The following SLC6A6 variants were observed in gnomAD, a reference collection of about 807,000 sequenced individuals.
The protein encoded by SLC6A6 is sodium- and chloride-dependent taurine transporter.
SLC6A6 carries 16 observed loss-of-function variants against 68.8 expected under a neutral mutation model. The observed-to-expected ratio is 0.23, with a 90% CI of 0.16 to 0.35. The LOEUF (loss-of-function observed/expected upper bound fraction) is 0.35, where lower values mean the gene tolerates loss of function less well. Among genes scored for constraint, SLC6A6 ranks in the 10% least tolerant of loss-of-function variants. The pLI, the probability that SLC6A6 is intolerant of heterozygous loss-of-function variation, is 1.00. For synonymous variants in SLC6A6, 312 were observed against 315.4 expected (o/e 0.99, Z 0.12); for missense variants, 474 against 802.8 (o/e 0.59, Z 4.95).
At chr3:14,410,489 G>A (rs959730743) in intron 1 of SLC6A6, among the ~76,000 whole-genome samples, 2 of 152,228 alleles carry the variant, frequency 1.3e-5, no homozygotes, top group African/African-American at 4.8e-5. Context: ...TCAAGAAGGA[G>A]CGTGGTGAGC....
intron 12 of SLC6A6, chr3:14,478,862 A>G (rs1007100389): frequency 3.4e-6 from 2 of 594,558 alleles, no homozygotes; most frequent in Admixed American, 3.0e-5. Context: ...TGTGCCTAAG[A>G]TTGCACACCT....
At chr3:14,436,549 T>TGGTGC (rs1699857330) in intron 2 of SLC6A6, among the ~76,000 whole-genome samples, 37 of 21,486 alleles carry the variant, frequency 1.7e-3, no homozygotes, top group Non-Finnish European at 2.4e-3. Context: ...TTTTTTTTTT[T>TGGTGC]TTTTTTTTTT....
intron 6 of SLC6A6, among the ~76,000 whole-genome samples, chr3:14,462,158 C>A (rs567907618): frequency 6.6e-6 from 1 of 152,346 alleles, no homozygotes; most frequent in Admixed American, 6.5e-5. Flanking sequence ...CCTTGGGGAT[C>A]CCGGGGGAGC....
chr3:14,454,340 T>A (rs757001844), intron 5 of SLC6A6, among the ~76,000 whole-genome samples: 13 of 152,048 alleles, frequency 8.5e-5, no homozygotes, highest in East Asian at 3.9e-4. Context: ...CCTCCTGGGG[T>A]ACTTAGGAGG....
intron 3 of SLC6A6, chr3:14,444,662 C>A: frequency 2.2e-6 from 1 of 450,118 alleles, no homozygotes; most frequent in Non-Finnish European, 4.5e-6. Flanking sequence ...GATGGGCATG[C>A]CTTGTGCTGC....
At chr3:14,405,519 G>A (rs1338031260) in intron 1 of SLC6A6, among the ~76,000 whole-genome samples, 1 of 152,264 alleles carries the variant, frequency 6.6e-6, no homozygotes, top group East Asian at 1.9e-4. Flanking sequence ...TGCAGCCAGA[G>A]GGGGTCTGCC....
chr3:14,411,147 CT>C (rs1191055190), intron 1 of SLC6A6: 1 of 152,426 alleles, frequency 6.6e-6, no homozygotes, highest in Non-Finnish European at 1.5e-5. Context: ...GCTCAAAAGC[CT>C]TCAGTGGTGG....
At chr3:14,410,176 C>CAAAAA (rs145587348) in intron 1 of SLC6A6, among the ~76,000 whole-genome samples, 1 of 60,740 alleles carries the variant, frequency 1.6e-5, no homozygotes, top group Non-Finnish European at 3.5e-5. Context: ...GACTCCATCT[C>CAAAAA]AAAAAAAAAA....
At chr3:14,470,710 G>T (rs1254555435) in intron 9 of SLC6A6, among the ~76,000 whole-genome samples, 2 of 152,154 alleles carry the variant, frequency 1.3e-5, no homozygotes, top group African/African-American at 4.8e-5. Context: ...GACCAGTGGG[G>T]CCCCGGTCTG....
intron 1 of SLC6A6, among the ~76,000 whole-genome samples, chr3:14,409,722 A>T (rs1699198114): frequency 6.6e-6 from 1 of 152,242 alleles, no homozygotes; most frequent in South Asian, 2.1e-4. Context: ...CCAAGGATCC[A>T]GTCTGGGAAC....
intron 2 of SLC6A6, among the ~76,000 whole-genome samples, chr3:14,426,406 C>T (rs1362875478): frequency 6.6e-6 from 1 of 152,220 alleles, no homozygotes; most frequent in African/African-American, 2.4e-5. Flanking sequence ...CCAAACTGCA[C>T]ATGCAAGCCT....
intron 1 of SLC6A6, among the ~76,000 whole-genome samples, chr3:14,413,153 G>A (rs945993737): frequency 1.5e-4 from 23 of 152,236 alleles, no homozygotes; most frequent in African/African-American, 4.6e-4. Flanking sequence ...ATGCCTGGGA[G>A]TGGGGGAGCC....
In SLC6A6 at chr3:14,458,006, A is replaced by G. The variant is rs1559305145; in HGVS notation, c.656A>G (p.Asp219Gly). 1 of 1,613,732 alleles carries G rather than the reference A, an allele frequency of 6.2e-7. No individual in the cohort carries two copies. The highest frequency in any genetic ancestry group is 1.1e-5 in the South Asian group (1 of 91,062). ...GIDHPGSLKWDLALCLLLVWL... is the reference protein window; with the variant it reads ...GIDHPGSLKWGLALCLLLVWL... ...GACCACCCAGGCTCTCTGAAATGGG[A>G]CCTCGCTCTCTGCCTTCTTTTAGTC... Residue 219 changes from aspartate to glycine, a missense_variant, in exon 6 of 15, where the codon GAC (aspartate) becomes GGC (glycine). This residue lies in a region of SLC6A6 where 280 missense variants were observed against 533.1 expected (regional missense o/e 0.53). Transcript: ENST00000622186.
At chr3:14,432,201 C>G (rs1034284544) in intron 2 of SLC6A6, among the ~76,000 whole-genome samples, 4 of 152,218 alleles carry the variant, frequency 2.6e-5, no homozygotes, top group Admixed American at 6.5e-5. Flanking sequence ...AGGCTTCTTA[C>G]AGCTTAAAAG....
chr3:14,436,719 G>A (rs1001890001), intron 2 of SLC6A6, among the ~76,000 whole-genome samples: 6 of 152,180 alleles, frequency 3.9e-5, no homozygotes, highest in Admixed American at 1.3e-4. Context: ...CCCCATCAGA[G>A]TTCCCTGTTT....
chr3:14,485,082 A>C lies in SLC6A6; in HGVS notation c.*75A>C. 7.6e-7 allele frequency: 1 copy of C among 1,310,486 alleles called. No homozygotes were observed. The highest frequency in any genetic ancestry group is 1.0e-6 in the Non-Finnish European group (1 of 966,046). 81.2% of individuals were successfully genotyped at this position (1,310,486 alleles called of 1,614,324 possible). A position where few individuals can be genotyped will look rare whatever the true frequency, so the allele number is the denominator to read the frequency against. On this transcript the variant is annotated 3_prime_UTR_variant, in exon 15 of 15. Coordinates refer to ENST00000622186, the MANE Select transcript of SLC6A6 (RefSeq NM_003043.6). ...TAGATTCTCATAGGACCAGGTTTAC[A>C]GAGCTTTATATTTGCACTAGGATTT...
At chr3:14,414,000 G>C (rs973491924) in intron 1 of SLC6A6, among the ~76,000 whole-genome samples, 1 of 151,758 alleles carries the variant, frequency 6.6e-6, no homozygotes, top group Non-Finnish European at 1.5e-5. Flanking sequence ...CACCACACCC[G>C]GCCTAAACTG....
chr3:14,428,415 G>A (rs1360272311), intron 2 of SLC6A6, among the ~76,000 whole-genome samples: 2 of 152,234 alleles, frequency 1.3e-5, no homozygotes, highest in Non-Finnish European at 1.5e-5. Flanking sequence ...GGTCAATTTT[G>A]TCATCATCCT....
At chr3:14,447,272 C>A (rs1302772599) in intron 4 of SLC6A6, among the ~76,000 whole-genome samples, 1 of 151,432 alleles carries the variant, frequency 6.6e-6, no homozygotes, top group African/African-American at 2.4e-5. Flanking sequence ...ATCCAAACAT[C>A]CAACCATCCA....
Sources: gnomAD v4.1 joint callset for allele counts (sites outside exome capture counted in the v4.1 genomes callset) on GRCh38, gnomAD v4.1.1 for gene constraint, gnomAD v4.1.1 regional missense constraint, MANE v1.5 for transcripts, NCBI Gene and HGNC (gene_info 2026-07-23, HGNC 2026-07-21) for gene names.